Variants in TENM4 observed in about 807,000 individuals in gnomAD.
The protein encoded by TENM4 is teneurin transmembrane protein 4.
In TENM4, 82 loss-of-function variants were observed where a neutral mutation model predicts 243.3. The ratio of observed to expected loss-of-function variants is 0.34; its 90% confidence interval spans 0.28 to 0.40. The LOEUF (loss-of-function observed/expected upper bound fraction) is 0.40, where lower values mean the gene tolerates loss of function less well. Ranked by LOEUF, TENM4 falls within the 10% of genes least tolerant of loss-of-function variation. The pLI, the probability that TENM4 is intolerant of heterozygous loss-of-function variation, is 1.00. For missense variants in TENM4, 3,138 were observed against 3,673.3 expected (o/e 0.85, Z 3.77); for synonymous variants, 1,412 against 1,456.3 (o/e 0.97, Z 0.69).
At chr11:78,854,597 C>A (rs551287504) in intron 11 of TENM4, among the ~76,000 whole-genome samples, 2 of 152,010 alleles carry the variant, frequency 1.3e-5, no homozygotes, top group Non-Finnish European at 2.9e-5. Flanking sequence ...GGTGAATCTT[C>A]CCCTGGCTGA....
intron 3 of TENM4, among the ~76,000 whole-genome samples, chr11:79,180,316 G>T (rs1158180717): frequency 1.3e-5 from 2 of 151,732 alleles, no homozygotes; most frequent in African/African-American, 4.8e-5. Context: ...CCATGAGGTA[G>T]ACAGTCAAAG....
chr11:79,093,082 C>T (rs759564359), intron 4 of TENM4: 1 of 152,246 alleles, frequency 6.6e-6, no homozygotes, highest in Non-Finnish European at 1.5e-5. Context: ...GAATCATTCT[C>T]TACCCCATTT....
chr11:78,744,153 G>A (rs964500596), intron 19 of TENM4, among the ~76,000 whole-genome samples: 6 of 152,212 alleles, frequency 3.9e-5, no homozygotes, highest in African/African-American at 1.4e-4. Context: ...TCACTTCAGA[G>A]CCTGTTAAAT....
At chr11:78,701,389 G>A (rs1392786806) in intron 28 of TENM4, 137 bp downstream of exon 28, 6 of 1,189,454 alleles carry the variant, frequency 5.0e-6, no homozygotes, top group African/African-American at 3.1e-5. Flanking sequence ...TGTGGAATAT[G>A]AACATGTAGA....
intron 12 of TENM4, among the ~76,000 whole-genome samples, chr11:78,834,010 C>T (rs529772008): frequency 5.0e-4 from 76 of 152,284 alleles, no homozygotes; most frequent in Non-Finnish European, 9.4e-4. Context: ...ACTTGCAATC[C>T]GTCAGCCCAT....
chr11:78,912,004 C>T (rs931634568), intron 6 of TENM4, among the ~76,000 whole-genome samples: 4 of 152,122 alleles, frequency 2.6e-5, no homozygotes, highest in African/African-American at 9.7e-5. Flanking sequence ...AGAACTTGAA[C>T]AGAGCACTGA....
chr11:78,981,586 C>CT (rs1857796305), intron 6 of TENM4, among the ~76,000 whole-genome samples: 1 of 152,148 alleles, frequency 6.6e-6, no homozygotes, highest in South Asian at 2.1e-4. Context: ...TGGGGGTTCC[C>CT]TGGACGGGGA....
At chr11:79,381,868 G>T (rs574473848) in intron 1 of TENM4, among the ~76,000 whole-genome samples, 1 of 151,986 alleles carries the variant, frequency 6.6e-6, no homozygotes, top group South Asian at 2.1e-4. Context: ...GACCAAGGCC[G>T]TCCTGTTCCA....
At chr11:78,911,990 A>G (rs189898905) in intron 6 of TENM4, among the ~76,000 whole-genome samples, 2 of 152,316 alleles carry the variant, frequency 1.3e-5, no homozygotes, top group East Asian at 3.9e-4. Context: ...TTCTAGGAAG[A>G]GCAAGAACTT....
intron 6 of TENM4, among the ~76,000 whole-genome samples, chr11:78,925,672 A>G (rs920295002): frequency 5.3e-5 from 8 of 152,206 alleles, no homozygotes; most frequent in African/African-American, 1.4e-4. Context: ...GGAATGTTCC[A>G]GAAGGTCACC....
chr11:79,135,068 T>A (rs180814632), intron 4 of TENM4, among the ~76,000 whole-genome samples: 2 of 151,886 alleles, frequency 1.3e-5, no homozygotes, highest in African/African-American at 4.8e-5. Context: ...ACTCACAGAG[T>A]GGGAGAAAAT....
intron 7 of TENM4, among the ~76,000 whole-genome samples, chr11:78,897,806 G>A (rs1218452263): frequency 6.6e-6 from 1 of 152,202 alleles, no homozygotes; most frequent in African/African-American, 2.4e-5. Flanking sequence ...GCCATTCTGG[G>A]AACCACACTA....
intron 1 of TENM4, among the ~76,000 whole-genome samples, chr11:79,370,779 TAAAAA>T (rs544196671): frequency 0.026 from 1,458 of 57,024 alleles, 19 homozygotes; most frequent in African/African-American, 0.072. Flanking sequence ...ACTCCTATGG[TAAAAA>T]AAAAAAAAAA....
chr11:78,971,256 T>C (rs933286306), intron 6 of TENM4, among the ~76,000 whole-genome samples: 1 of 152,172 alleles, frequency 6.6e-6, no homozygotes, highest in Non-Finnish European at 1.5e-5. Flanking sequence ...ATCTGGCATC[T>C]AGTAGGTATT....
chr11:79,374,783 T>C (rs1414866917), intron 1 of TENM4, among the ~76,000 whole-genome samples: 3 of 151,934 alleles, frequency 2.0e-5, no homozygotes, highest in African/African-American at 4.8e-5. Flanking sequence ...ATAGTTATAG[T>C]CTAGAGAAAG....
chr11:78,992,291 G>T (rs1858065160), intron 6 of TENM4, among the ~76,000 whole-genome samples: 1 of 152,032 alleles, frequency 6.6e-6, no homozygotes, highest in South Asian at 2.1e-4. Context: ...TTTATACTTT[G>T]TCCAGTTCTC....
intron 1 of TENM4, among the ~76,000 whole-genome samples, chr11:79,317,345 G>T (rs1298910300): frequency 2.6e-5 from 4 of 152,136 alleles, no homozygotes; most frequent in Non-Finnish European, 5.9e-5. Flanking sequence ...AATAAAAAAT[G>T]ACCAAGTGAT....
intron 7 of TENM4, among the ~76,000 whole-genome samples, chr11:78,896,542 T>C (rs1419606517): frequency 1.3e-5 from 2 of 152,034 alleles, no homozygotes; most frequent in Non-Finnish European, 2.9e-5. Context: ...CCCAAGATCC[T>C]CCATTGCTGA....
intron 3 of TENM4, among the ~76,000 whole-genome samples, chr11:79,199,088 G>C (rs1033404585): frequency 6.6e-6 from 1 of 152,138 alleles, no homozygotes; most frequent in Non-Finnish European, 1.5e-5. Context: ...GTCAAGATGT[G>C]AGTAGAGAGG....
Sources: gnomAD v4.1 joint callset for allele counts (sites outside exome capture counted in the v4.1 genomes callset) on GRCh38, gnomAD v4.1.1 for gene constraint, MANE v1.5 for transcripts, NCBI Gene and HGNC (gene_info 2026-07-23, HGNC 2026-07-21) for gene names.